The following PTPN3 variants were observed in gnomAD, a reference collection of about 807,000 sequenced individuals.
The protein encoded by PTPN3 is tyrosine-protein phosphatase non-receptor type 3.
In PTPN3, 96 loss-of-function variants were observed where a neutral mutation model predicts 132.7. That is an observed-to-expected ratio of 0.72 (90% CI 0.61 to 0.86). The LOEUF is 0.86. Ranked by LOEUF, PTPN3 falls within the 40% of genes least tolerant of loss-of-function variation. The pLI, the probability that PTPN3 is intolerant of heterozygous loss-of-function variation, is 0.00. For synonymous variants in PTPN3, 398 were observed against 429.0 expected (o/e 0.93, Z 0.89); for missense variants, 1,125 against 1,159.6 (o/e 0.97, Z 0.43).
intron 1 of PTPN3, among the ~76,000 whole-genome samples, chr9:109,491,939 T>C (rs1171719746): frequency 6.6e-6 from 1 of 152,184 alleles, no homozygotes; most frequent in Non-Finnish European, 1.5e-5. Flanking sequence ...CCCCCGTCTG[T>C]GGAGTAGAGA....
chr9:109,379,604 A>T lies in PTPN3; in HGVS notation c.2694T>A (p.Ile898=), dbSNP rs1288918586. 2 of 1,614,062 alleles carry T rather than the reference A, an allele frequency of 1.2e-6. No homozygotes were observed. The highest frequency in any genetic ancestry group is 1.3e-5 in the African/African-American group (1 of 74,914). The change falls in exon 26 of 26, where the codon ATT becomes ATA. Residue 898 remains isoleucine, a synonymous_variant. Coordinates refer to ENST00000374541, the MANE Select transcript of PTPN3 (RefSeq NM_002829.4). ...SSQYKFVCEA[I]LRVYEEGLVQ... is the part of the protein sequence containing the mutation. ...CTAAACCTTCTTCATACACACGAAG[A>T]ATCGCTTCACACACAAACTTGTACT...
chr9:109,408,406 C>T, intron 16 of PTPN3, 29 bp from the exon 17 acceptor site: 2 of 1,539,590 alleles, frequency 1.3e-6, no homozygotes, highest in Non-Finnish European at 1.8e-6. Flanking sequence ...AAAAACAAAA[C>T]AAAGTTTTTT....
chr9:109,391,143 C>T lies in PTPN3; in HGVS notation c.2101G>A (p.Val701Met), dbSNP rs762489165. 15 of 1,612,824 alleles carry T rather than the reference C, an allele frequency of 9.3e-6. No individual in the cohort carries two copies. The highest frequency in any genetic ancestry group is 1.7e-5 in the Admixed American group (1 of 59,918). ...GNEDYINASY[V>M]NMEIPAANLV... ...CATCCAGATTCCTAACTTACGTTCA[C>T]GTAACTTGCATTAATATAATCTTCA... The change falls in exon 21 of 26, where the codon GTG becomes ATG. Residue 701 changes from valine to methionine, a missense_variant. By Grantham distance (21) the Val-to-Met change is conservative. Coordinates refer to ENST00000374541, the MANE Select transcript of PTPN3 (RefSeq NM_002829.4).
intron 25 of PTPN3, among the ~76,000 whole-genome samples, chr9:109,381,100 A>G (rs1839037614): frequency 6.6e-6 from 1 of 152,134 alleles, no homozygotes; most frequent in South Asian, 2.1e-4. Context: ...GACTTATGCA[A>G]AGGTTGTTCC....
rs189727162 is a variant in PTPN3 at position 109,450,136 on chromosome 9, T to C, written c.369-1281A>G. ...TGTTTAATGGCTAAAAAGCTTAGGA[T>C]CCATGTCGTAACTCTAATATTATTA... On this transcript the variant is annotated intron_variant, in intron 5 of 25. Transcript: ENST00000374541. 1.4e-5 allele frequency: 14 copies of C among 984,572 alleles called. No homozygotes were observed. The African/African-American group carries it at 2.3e-4, about 16-fold the overall frequency. The allele number at this position is 984,572 out of a possible 1,614,324, so 61.0% of individuals were successfully genotyped here.
At chr9:109,380,672 T>TC (rs1234201685) in intron 25 of PTPN3, among the ~76,000 whole-genome samples, 1 of 152,244 alleles carries the variant, frequency 6.6e-6, no homozygotes, top group African/African-American at 2.4e-5. Context: ...TGATTTTTTT[T>TC]CTCTTAACAA....
chr9:109,379,696 G>T, intron 25 of PTPN3, 63 bp from the exon 26 acceptor site: 3 of 1,348,426 alleles, frequency 2.2e-6, no homozygotes, highest in Non-Finnish European at 3.2e-6. Flanking sequence ...ACCACACCCT[G>T]TACCGGTGGG....
the PTPN3 span, among the ~76,000 whole-genome samples, chr9:109,507,463 GA>G: frequency 6.6e-6 from 1 of 152,244 alleles, no homozygotes; most frequent in Admixed American, 6.5e-5. Context: ...AAGAACGGGG[GA>G]TGCTATTCAG....
chr9:109,419,595 A>G (rs183689209), intron 14 of PTPN3, among the ~76,000 whole-genome samples: 13 of 152,282 alleles, frequency 8.5e-5, no homozygotes, highest in Admixed American at 4.6e-4. Context: ...ACGTACAGAT[A>G]TGTAACTATG....
At chr9:109,514,978 G>A in the PTPN3 span, among the ~76,000 whole-genome samples, 11 of 152,086 alleles carry the variant, frequency 7.2e-5, no homozygotes, top group Admixed American at 5.2e-4. Context: ...TAAATTTTTC[G>A]GGTGGTTTGT....
chr9:109,502,123 C>T (rs551352214), upstream of PTPN3, among the ~76,000 whole-genome samples: 1 of 152,292 alleles, frequency 6.6e-6, no homozygotes, highest in African/African-American at 2.4e-5. Context: ...AAAAGAGGAA[C>T]AAGAGATGAA....
intron 4 of PTPN3, among the ~76,000 whole-genome samples, chr9:109,455,325 T>G (rs1160630952): frequency 6.6e-6 from 1 of 152,204 alleles, no homozygotes; most frequent in African/African-American, 2.4e-5. Flanking sequence ...CAGATTGTGC[T>G]GCTAAGATCC....
chr9:109,401,660 A>C (rs938522755), intron 19 of PTPN3, among the ~76,000 whole-genome samples: 8 of 152,106 alleles, frequency 5.3e-5, no homozygotes, highest in Non-Finnish European at 1.2e-4. Context: ...TATCTGATAA[A>C]CTGGAACCAG....
At chr9:109,447,122 G>A (rs1435311767) in intron 6 of PTPN3, among the ~76,000 whole-genome samples, 1 of 152,168 alleles carries the variant, frequency 6.6e-6, no homozygotes, top group African/African-American at 2.4e-5. Flanking sequence ...CCAGGATGTG[G>A]CCTTAACAGA....
chr9:109,515,115 C>T, the PTPN3 span, among the ~76,000 whole-genome samples: 13 of 152,054 alleles, frequency 8.5e-5, no homozygotes, highest in East Asian at 1.9e-4. Flanking sequence ...CTCAACCTTC[C>T]GGGGCCAAGC....
At chr9:109,508,265 A>C in the PTPN3 span, among the ~76,000 whole-genome samples, 1 of 150,288 alleles carries the variant, frequency 6.7e-6, no homozygotes, top group Non-Finnish European at 1.5e-5. Context: ...GGTTCATGCC[A>C]TTCTCCTGCC....
At chr9:109,477,387 T>C (rs753185646) in intron 1 of PTPN3, among the ~76,000 whole-genome samples, 1 of 152,222 alleles carries the variant, frequency 6.6e-6, no homozygotes, top group African/African-American at 2.4e-5. Context: ...TGGGTATTTA[T>C]CACCATATTA....
intron 16 of PTPN3, 72 bp downstream of exon 16, chr9:109,409,927 G>A: frequency 6.4e-7 from 1 of 1,564,198 alleles, no homozygotes; most frequent in Non-Finnish European, 8.7e-7. Flanking sequence ...CAGCACATTT[G>A]TAATGCAAAT....
intron 5 of PTPN3, 113 bp downstream of exon 5, chr9:109,454,383 T>C: frequency 2.3e-6 from 2 of 868,538 alleles, no homozygotes; most frequent in Non-Finnish European, 3.8e-6. Flanking sequence ...TCATTGTTGG[T>C]GTAGTTACAC....
Sources: allele counts gnomAD v4.1 joint callset (sites outside exome capture counted in the v4.1 genomes callset), GRCh38; gene constraint gnomAD v4.1.1; transcripts MANE v1.5; gene names NCBI Gene and HGNC (gene_info 2026-07-23, HGNC 2026-07-21).